The following C11orf65 variants were observed in gnomAD, a reference collection of about 807,000 sequenced individuals.
C11orf65 encodes protein MFI.
In C11orf65, 38 loss-of-function variants were observed where a neutral mutation model predicts 35.3. The ratio of observed to expected loss-of-function variants is 1.08; its 90% CI spans 0.83 to 1.41. C11orf65 has a LOEUF of 1.41. Among genes scored for constraint, C11orf65 ranks in the 40% most tolerant of loss-of-function variants. The pLI is 0.00. For synonymous variants in C11orf65, 105 were observed against 114.4 expected (o/e 0.92, Z 0.53); for missense variants, 370 against 367.1 (o/e 1.01, Z -0.06).
chr11:108,322,819 A>T lies in C11orf65; in HGVS notation c.641-13748T>A, dbSNP rs558936767. 2.6e-5 allele frequency among the ~76,000 whole-genome samples: 4 copies of T among 151,656 alleles called. 1 individual carries two copies. In the South Asian group the frequency reaches 8.4e-4, roughly 32 times the overall value. On this transcript the variant is annotated intron_variant, in intron 6 of 6. Coordinates refer to the C11orf65 transcript ENST00000525729. ...TTGTTTCCTCATGTTTTTGCACAGC[A>T]TGTTACACTCCATTCGGTTTTAGCA... is the stretch of plus-strand genomic sequence containing the variant.
At chr11:108,450,677 T>C (rs968230273) in intron 2 of C11orf65, among the ~76,000 whole-genome samples, 1 of 148,466 alleles carries the variant, frequency 6.7e-6, no homozygotes, top group Non-Finnish European at 1.5e-5. Flanking sequence ...TAATGCTAAA[T>C]GATGAGTTAA....
intron 2 of C11orf65, among the ~76,000 whole-genome samples, chr11:108,445,461 C>G (rs1156537198): frequency 6.6e-6 from 1 of 152,172 alleles, no homozygotes; most frequent in African/African-American, 2.4e-5. Flanking sequence ...ATCCACTGTT[C>G]TATAGCCACC....
intron 6 of C11orf65, chr11:108,317,533 G>A (rs2084795630): frequency 1.9e-6 from 3 of 1,575,730 alleles, no homozygotes; most frequent in South Asian, 2.2e-5. Flanking sequence ...TAAGAAATTT[G>A]ACTTGATTTT....
rs879675361 is a variant in C11orf65, at chr11:108,346,499, GT to G, written c.227-11208del. On this transcript the variant is annotated intron_variant, in intron 2 of 3. Transcript: ENST00000524755. Reference sequence around the variant, plus strand: ...TTAGAGATCATCTAATCTATTTGTTGTTTTTTTTTTTTTTAACTAAAGACAA... The same window carrying G: ...TTAGAGATCATCTAATCTATTTGTTGTTTTTTTTTTTTTAACTAAAGACAA... 601 of 134,834 alleles carry G rather than the reference GT, an allele frequency of 4.5e-3. 1 individual carries two copies. Among genetic ancestry groups the G allele is most frequent in the Middle Eastern group, 7.9e-3 (2 of 254 alleles). The allele number at this position is 134,834 out of a possible 1,614,324, so 8.4% of individuals were successfully genotyped here.
intron 3 of C11orf65, among the ~76,000 whole-genome samples, chr11:108,407,857 A>G (rs1327282109): frequency 1.4e-5 from 2 of 147,896 alleles, no homozygotes; most frequent in African/African-American, 5.0e-5. Flanking sequence ...GCACGAACCC[A>G]GGAGGCAGAG....
intron 2 of C11orf65, among the ~76,000 whole-genome samples, chr11:108,433,969 G>A (rs2093029613): frequency 6.6e-6 from 1 of 152,190 alleles, no homozygotes; most frequent in Non-Finnish European, 1.5e-5. Context: ...GAAAGAACAT[G>A]GTTAGAAAAT....
intron 2 of C11orf65, chr11:108,369,247 C>T (rs1044837782): frequency 2.0e-5 from 3 of 153,726 alleles, no homozygotes; most frequent in East Asian, 1.9e-4. Flanking sequence ...CAACTGACCA[C>T]GCAGTGTGAA....
chr11:108,449,305 A>G (rs531798734), intron 2 of C11orf65, among the ~76,000 whole-genome samples: 58 of 151,956 alleles, frequency 3.8e-4, no homozygotes, highest in Admixed American at 8.5e-4. Flanking sequence ...ATATGGAACC[A>G]AAAAAAGAGC....
intron 2 of C11orf65, among the ~76,000 whole-genome samples, chr11:108,356,543 A>T (rs1298834616): frequency 5.3e-5 from 8 of 149,974 alleles, no homozygotes; most frequent in African/African-American, 1.7e-4. Flanking sequence ...TCTGTCTTAA[A>T]AAAAAAAAAA....
chr11:108,419,655 T>C (rs1410428697), intron 3 of C11orf65, among the ~76,000 whole-genome samples: 1 of 152,192 alleles, frequency 6.6e-6, no homozygotes. Flanking sequence ...TGAGCTATGA[T>C]GGCACCAATG....
At chr11:108,347,425 T>C (rs1211129102) in intron 2 of C11orf65, 9 of 1,330,772 alleles carry the variant, frequency 6.8e-6, no homozygotes, top group Middle Eastern at 2.4e-4. Context: ...TCATGGAATG[T>C]TGTTTGCCTA....
intron 2 of C11orf65, among the ~76,000 whole-genome samples, chr11:108,357,703 A>G (rs971677759): frequency 6.6e-6 from 1 of 152,162 alleles, no homozygotes; most frequent in East Asian, 1.9e-4. Context: ...CTCACACGGC[A>G]GGGTACTCCA....
At chr11:108,461,637 T>C in intron 1 of C11orf65, 69 bp from the exon 2 acceptor site, 1 of 1,026,200 alleles carries the variant, frequency 9.7e-7, no homozygotes, top group South Asian at 1.6e-5. Context: ...TATTTATTTA[T>C]TTTTTTTAGA....
Position 108,432,362 on chromosome 11 carries a change from A to C in C11orf65, c.82-524T>G, listed in dbSNP as rs138580061. On this transcript the variant is annotated intron_variant, in intron 2 of 8. Transcript: ENST00000393084. ...GCATGTAAAGCTTTCTGACACAAGA[A>C]AACATTCAATAAATATTAGCCATTG... 2.2e-4 allele frequency among the ~76,000 whole-genome samples: 33 copies of C among 152,354 alleles called. No homozygotes were observed. The East Asian group carries it at 4.4e-3, about 20-fold the overall frequency.
intron 2 of C11orf65, among the ~76,000 whole-genome samples, chr11:108,354,082 C>G (rs1009528287): frequency 6.7e-6 from 1 of 150,296 alleles, no homozygotes; most frequent in Non-Finnish European, 1.5e-5. Flanking sequence ...CACACACACA[C>G]ACACACACAC....
At chr11:108,364,982 C>T (rs2137854564) in intron 2 of C11orf65, 1 of 1,380,440 alleles carries the variant, frequency 7.2e-7, no homozygotes, top group African/African-American at 1.4e-5. Context: ...CCATCAACTA[C>T]CATGTGACTG....
intron 2 of C11orf65, among the ~76,000 whole-genome samples, chr11:108,434,428 C>T (rs1360327622): frequency 6.6e-6 from 1 of 151,676 alleles, no homozygotes; most frequent in East Asian, 1.9e-4. Context: ...TCGCTTGAAT[C>T]TGGCAAGCGG....
At chr11:108,402,559 AT>A (rs10714374) in intron 6 of C11orf65, among the ~76,000 whole-genome samples, 90,331 of 148,602 alleles carry the variant, frequency 0.61, 27,355 homozygotes, top group Middle Eastern at 0.75. Context: ...CAGGTTTTTA[AT>A]TTTTTTTTTT....
intron 6 of C11orf65, among the ~76,000 whole-genome samples, chr11:108,403,781 C>G (rs2092486443): frequency 6.6e-6 from 1 of 152,182 alleles, no homozygotes; most frequent in African/African-American, 2.4e-5. Flanking sequence ...CTTGGCACCT[C>G]TGTTGAAAAT....
Sources: allele counts gnomAD v4.1 joint callset (sites outside exome capture counted in the v4.1 genomes callset), GRCh38; gene constraint gnomAD v4.1.1; transcripts MANE v1.5; gene names NCBI Gene and HGNC (gene_info 2026-07-23, HGNC 2026-07-21).